Variants in SMOC2 observed in about 807,000 individuals in gnomAD.
SMOC2 encodes the protein SPARC-related modular calcium-binding protein 2.
In SMOC2, 39 loss-of-function variants were observed where a neutral mutation model predicts 61.4. The observed-to-expected ratio is 0.64, with a 90% CI of 0.49 to 0.83. SMOC2 has a LOEUF of 0.83. Among genes scored for constraint, SMOC2 ranks in the 40% least tolerant of loss-of-function variants. SMOC2 has a pLI of 0.00. For missense variants in SMOC2, 556 were observed against 592.9 expected, an observed-to-expected ratio of 0.94 and a Z score of 0.65; for synonymous variants, 247 against 239.9, an observed-to-expected ratio of 1.03 and a Z score of -0.27.
intron 7 of SMOC2, among the ~76,000 whole-genome samples, chr6:168,575,133 C>T (rs1245074551): frequency 6.6e-6 from 1 of 152,176 alleles, no homozygotes; most frequent in East Asian, 1.9e-4. Flanking sequence ...CGGGCGTGGA[C>T]TGGGCCTGCC....
At chr6:168,476,443 T>C (rs1019984344) in intron 1 of SMOC2, among the ~76,000 whole-genome samples, 10 of 151,750 alleles carry the variant, frequency 6.6e-5, no homozygotes, top group Non-Finnish European at 1.3e-4. Context: ...TTTGCAGTAC[T>C]GAGCAGTTGG....
rs376696750 is a variant in SMOC2, at chr6:168,612,703, C to A, written c.907+4464C>A. ...AACAGTCCCTTGCTTGCCTCAGCTG[C>A]GGCACCGGCTCCATTTGTGATTCAG... is the stretch of plus-strand genomic sequence containing the variant. On this transcript the variant is annotated intron_variant, in intron 9 of 12. Coordinates refer to ENST00000356284, the MANE Select transcript of SMOC2 (RefSeq NM_001166412.2). 1.4e-4 allele frequency among the ~76,000 whole-genome samples: 22 copies of A among 152,332 alleles called. No individual in the cohort carries two copies. The East Asian group carries it at 4.1e-3, about 28-fold the overall frequency.
intron 1 of SMOC2, among the ~76,000 whole-genome samples, chr6:168,448,114 G>T (rs775004010): frequency 1.3e-5 from 2 of 152,208 alleles, no homozygotes; most frequent in Non-Finnish European, 2.9e-5. Context: ...AAACCGACCT[G>T]CGATTTGTGA....
chr6:168,461,153 G>T (rs1781711518), intron 1 of SMOC2, among the ~76,000 whole-genome samples: 1 of 152,210 alleles, frequency 6.6e-6, no homozygotes, highest in Non-Finnish European at 1.5e-5. Flanking sequence ...ATCTTACATG[G>T]ATGGCAGGAG....
rs570274105 is a variant in SMOC2, at chr6:168,475,614, A to T, written c.84+34160A>T. ...TGGAAGGCAGTGTCAGGACTGAGAC[A>T]GGAGGGTGAGTCCAGAGCGGGGACA... On this transcript the variant is annotated intron_variant, in intron 1 of 12. Transcript: ENST00000356284. The surrounding 1 kb of genome is among the most constrained non-coding windows in gnomAD (Gnocchi z 4.6). 4.0e-4 allele frequency among the ~76,000 whole-genome samples: 61 copies of T among 152,132 alleles called. No homozygotes were observed. The highest frequency in any genetic ancestry group is 1.0e-3 in the Admixed American group (16 of 15,282).
chr6:168,663,615 C>T (rs919773710), intron 11 of SMOC2, among the ~76,000 whole-genome samples: 52 of 152,144 alleles, frequency 3.4e-4, no homozygotes, highest in African/African-American at 1.2e-3. Context: ...TACATAGTTA[C>T]TTTCATGATC....
intron 9 of SMOC2, among the ~76,000 whole-genome samples, chr6:168,643,718 A>AC: frequency 6.6e-6 from 1 of 151,952 alleles, no homozygotes; most frequent in African/African-American, 2.4e-5. Context: ...TCCTGCCTCT[A>AC]CCCCCCAGCA....
rs1208015793 is a variant in SMOC2, at chr6:168,468,313, C to T, written c.84+26859C>T. 2.6e-5 allele frequency among the ~76,000 whole-genome samples: 4 copies of T among 152,192 alleles called. No homozygotes were observed. In the East Asian group the frequency reaches 5.8e-4, roughly 22 times the overall value. On this transcript the variant is annotated intron_variant, in intron 1 of 12. Coordinates refer to ENST00000356284, the MANE Select transcript of SMOC2 (RefSeq NM_001166412.2). ...GGCTCTGCCAGCCTTGCTGGAATTCCGGAAGCACATGTTCTAAAGTGTTGG... is the reference window on the plus strand; with the variant it reads ...GGCTCTGCCAGCCTTGCTGGAATTCTGGAAGCACATGTTCTAAAGTGTTGG...
chr6:168,662,791 G>C (rs941965984), intron 11 of SMOC2, among the ~76,000 whole-genome samples: 1 of 152,208 alleles, frequency 6.6e-6, no homozygotes, highest in Non-Finnish European at 1.5e-5. Flanking sequence ...GACTTTGGGT[G>C]TAGAGCCTGA....
Position 168,527,695 on chromosome 6 carries a change from C to G in SMOC2, c.431C>G (p.Thr144Ser). The G allele has an allele frequency of 6.4e-7, 1 of 1,552,140 alleles. No individual in the cohort carries two copies. The highest frequency in any genetic ancestry group is 8.7e-7 in the Non-Finnish European group (1 of 1,147,442). Residue 144 changes from threonine to serine, a missense_variant, in exon 4 of 13, where the codon ACT becomes AGT. By Grantham distance (58) the Thr-to-Ser change is moderately conservative (BLOSUM62 1). Coordinates refer to ENST00000356284, the MANE Select transcript of SMOC2 (RefSeq NM_001166412.2). ...VTPNGRPISG[T>S]AVAHKTPRCP... The stretch of plus-strand genomic sequence containing the variant: ...CCCAACGGGAGGCCCATCAGCGGCA[C>G]TGCCGTGGCCCACAAGACGCCCCGG...
chr6:168,560,010 A>G (rs946106545), intron 7 of SMOC2, among the ~76,000 whole-genome samples: 2 of 152,250 alleles, frequency 1.3e-5, no homozygotes, highest in Non-Finnish European at 2.9e-5. Context: ...TTCATTCCCC[A>G]GGAATGGTGT....
At chr6:168,532,047 G>A (rs1384094839) in intron 4 of SMOC2, among the ~76,000 whole-genome samples, 2 of 152,172 alleles carry the variant, frequency 1.3e-5, no homozygotes, top group African/African-American at 4.8e-5. Context: ...CATGTTCTGC[G>A]CTGCTGAGAG....
intron 11 of SMOC2, among the ~76,000 whole-genome samples, chr6:168,660,940 CTGATA>C (rs551513054): frequency 1.2e-4 from 19 of 152,302 alleles, no homozygotes; most frequent in African/African-American, 4.6e-4. Flanking sequence ...TCTGAATAAT[CTGATA>C]TGTCTCATTT....
intron 2 of SMOC2, among the ~76,000 whole-genome samples, chr6:168,519,836 A>T (rs934148598): frequency 2.0e-5 from 3 of 152,220 alleles, no homozygotes; most frequent in Non-Finnish European, 4.4e-5. Flanking sequence ...TATAAATATT[A>T]TAAAGGCTGT....
chr6:168,495,802 C>T (rs532577850), intron 1 of SMOC2, among the ~76,000 whole-genome samples: 1 of 152,058 alleles, frequency 6.6e-6, no homozygotes. Flanking sequence ...CACCTGGGGG[C>T]TCCACCCACC....
intron 7 of SMOC2, among the ~76,000 whole-genome samples, chr6:168,563,458 C>G (rs1223935248): frequency 6.6e-6 from 1 of 152,128 alleles, no homozygotes; most frequent in East Asian, 1.9e-4. Flanking sequence ...TACACACACA[C>G]ACATATAAAC....
At chr6:168,455,744 C>T (rs1781568231) in intron 1 of SMOC2, among the ~76,000 whole-genome samples, 1 of 152,142 alleles carries the variant, frequency 6.6e-6, no homozygotes, top group Admixed American at 6.5e-5. Flanking sequence ...GGTCCGAAAC[C>T]TTGAACTTAG....
At chr6:168,573,630 T>G (rs548084900) in intron 7 of SMOC2, among the ~76,000 whole-genome samples, 178 of 152,236 alleles carry the variant, frequency 1.2e-3, no homozygotes, top group Non-Finnish European at 1.7e-3. Flanking sequence ...GAGAGCAGCA[T>G]GCATGGGGCA....
chr6:168,560,180 T>C (rs1784366808), intron 7 of SMOC2, among the ~76,000 whole-genome samples: 1 of 152,256 alleles, frequency 6.6e-6, no homozygotes, highest in Non-Finnish European at 1.5e-5. Flanking sequence ...ACCTGCAGCC[T>C]ACATTTGTGT....
Sources: gnomAD v4.1 joint callset for allele counts (sites outside exome capture counted in the v4.1 genomes callset) on GRCh38, gnomAD v4.1.1 for gene constraint, Gnocchi (gnomAD v3.1) non-coding constraint, MANE v1.5 for transcripts, NCBI Gene and HGNC (gene_info 2026-07-23, HGNC 2026-07-21) for gene names.